The following OSBPL2 variants were observed in gnomAD, a reference collection of about 807,000 sequenced individuals.
OSBPL2 encodes oxysterol-binding protein-related protein 2.
OSBPL2 carries 18 observed loss-of-function variants against 58.4 expected under a neutral mutation model. The ratio of observed to expected loss-of-function variants is 0.31; its 90% confidence interval spans 0.21 to 0.46. The LOEUF is 0.46. OSBPL2 is among the 20% of genes least tolerant of loss of function. The pLI is 1.00. For synonymous variants in OSBPL2, 221 were observed against 234.1 expected, an observed-to-expected ratio of 0.94 and a Z score of 0.51; for missense variants, 461 against 616.5, an observed-to-expected ratio of 0.75 and a Z score of 2.67.
chr20:62,242,165 G>A (rs756828699), intron 1 of OSBPL2, among the ~76,000 whole-genome samples: 44 of 152,134 alleles, frequency 2.9e-4, no homozygotes, highest in Non-Finnish European at 5.9e-4. Flanking sequence ...ATGGTGTCCC[G>A]GCCTCTCAGG....
intron 1 of OSBPL2, among the ~76,000 whole-genome samples, chr20:62,249,087 C>T (rs573088309): frequency 2.6e-5 from 4 of 152,222 alleles, no homozygotes; most frequent in Admixed American, 6.5e-5. Flanking sequence ...CCTGGTGGGA[C>T]GGGGACAGCA....
In OSBPL2 at chr20:62,257,417, G is replaced by A. The variant is rs539547234; in HGVS notation, c.37+1196G>A. On this transcript the variant is annotated intron_variant, in intron 2 of 13. Transcript: ENST00000313733. ...TTACCGGCTTCAAAGGCTCAATTTCGAAGTCATTTTCCATGATTTCGTAGC... is the reference window on the plus strand; with the variant it reads ...TTACCGGCTTCAAAGGCTCAATTTCAAAGTCATTTTCCATGATTTCGTAGC... Among the ~76,000 whole-genome samples, 11 of 152,322 alleles carry A rather than the reference G, an allele frequency of 7.2e-5. No homozygotes were observed. In the East Asian group the frequency reaches 9.6e-4, roughly 13 times the overall value.
intron 1 of OSBPL2, among the ~76,000 whole-genome samples, chr20:62,246,136 T>TGCC (rs1601146367): frequency 1.3e-5 from 2 of 152,254 alleles, no homozygotes; most frequent in African/African-American, 4.8e-5. Flanking sequence ...CTCTCGCTGC[T>TGCC]GCCGCCGCCT....
Position 62,288,766 on chromosome 20 carries a change from CAAATT to C in OSBPL2, c.1126-438_1126-434del, listed in dbSNP as rs1349159900. Among the ~76,000 whole-genome samples the C allele has an allele frequency of 6.6e-6, 1 of 152,108 alleles. No homozygotes were observed. Among genetic ancestry groups the C allele is most frequent in the Non-Finnish European group, 1.5e-5 (1 of 68,020 alleles). ...CTAAGCATTCCAGTTGTTAATGTGA[CAAATT>C]AACTTGCTCCAGGGCTGAGGCTTTG... On this transcript the variant is annotated intron_variant, in intron 11 of 13. Coordinates refer to ENST00000313733, the MANE Select transcript of OSBPL2 (RefSeq NM_144498.4). The surrounding 1 kb of genome is among the most constrained non-coding windows in gnomAD (Gnocchi z 4.8).
At chr20:62,279,409 G>A (rs1982633711) in intron 7 of OSBPL2, 70 bp downstream of exon 7, 3 of 1,491,242 alleles carry the variant, frequency 2.0e-6, no homozygotes, top group Non-Finnish European at 2.8e-6. Flanking sequence ...TGATGTGGAG[G>A]GAAAGCTTCC....
Position 62,238,554 on chromosome 20 carries a change from G to T in OSBPL2, c.-172G>T, listed in dbSNP as rs1388330874. The stretch of plus-strand genomic sequence containing the variant: ...GTCGCGGGCCTACGGGGCGGGGGCG[G>T]GGCGGCAGTGAGCTCGGCCGGCAAC... On this transcript the variant is annotated 5_prime_UTR_variant, in exon 1 of 14. Transcript: ENST00000313733. 6.7e-6 allele frequency: 1 copy of T among 149,828 alleles called. No homozygotes were observed. Among genetic ancestry groups the T allele is most frequent in the Non-Finnish European group, 1.5e-5 (1 of 67,072 alleles). 9.3% of individuals were successfully genotyped at this position (149,828 alleles called of 1,614,324 possible).
intron 1 of OSBPL2, among the ~76,000 whole-genome samples, chr20:62,247,456 G>A (rs80315165): frequency 6.6e-6 from 1 of 152,164 alleles, no homozygotes; most frequent in Admixed American, 6.5e-5. Context: ...CAGCGGGACC[G>A]CGGGGACTGA....
chr20:62,246,527 G>A (rs1980127038), intron 1 of OSBPL2, among the ~76,000 whole-genome samples: 1 of 152,226 alleles, frequency 6.6e-6, no homozygotes, highest in Admixed American at 6.5e-5. Flanking sequence ...CTAGGCGTCC[G>A]GGTGATGCAT....
At chr20:62,252,696 G>GACC (rs1980638549) in intron 1 of OSBPL2, among the ~76,000 whole-genome samples, 1 of 152,214 alleles carries the variant, frequency 6.6e-6, no homozygotes, top group African/African-American at 2.4e-5. Context: ...AGGAAAGGTC[G>GACC]TTTAATTAGG....
intron 13 of OSBPL2, among the ~76,000 whole-genome samples, chr20:62,292,624 A>G (rs547679270): frequency 4.6e-5 from 7 of 152,368 alleles, no homozygotes; most frequent in Non-Finnish European, 7.3e-5. Context: ...ATTTATAAGT[A>G]AAATGTTTTA....
intron 2 of OSBPL2, among the ~76,000 whole-genome samples, chr20:62,257,782 T>G (rs1002357605): frequency 1.3e-5 from 2 of 151,532 alleles, no homozygotes; most frequent in Non-Finnish European, 2.9e-5. Flanking sequence ...TGGCGTGATC[T>G]CAGCTCACTG....
chr20:62,284,297 GC>G, intron 10 of OSBPL2, 128 bp downstream of exon 10: 1 of 1,040,248 alleles, frequency 9.6e-7, no homozygotes, highest in Non-Finnish European at 1.5e-6. Flanking sequence ...AGATGAATGT[GC>G]AGAATTTGTC....
Position 62,272,370 on chromosome 20 carries a change from C to G in OSBPL2, c.393+111C>G, listed in dbSNP as rs1019783311. 1.4e-5 allele frequency: 17 copies of G among 1,217,840 alleles called. No individual in the cohort carries two copies. The African/African-American group carries it at 1.9e-4, about 14-fold the overall frequency. 75.4% of individuals were successfully genotyped at this position (1,217,840 alleles called of 1,614,324 possible). On this transcript the variant is annotated intron_variant, in intron 5 of 13. Coordinates refer to ENST00000313733, the MANE Select transcript of OSBPL2 (RefSeq NM_144498.4). ...ATCTGTGAGGACTCGCACAGCTCCC[C>G]CCAGTGTTCAGTGCCATCCTGCCTG...
At chr20:62,255,507 T>G (rs1370691665) in intron 1 of OSBPL2, among the ~76,000 whole-genome samples, 2 of 152,170 alleles carry the variant, frequency 1.3e-5, no homozygotes, top group African/African-American at 4.8e-5. Flanking sequence ...AATTATTTAT[T>G]TGTTTATTTA....
rs1029432772 is a variant in OSBPL2, at chr20:62,294,527, T to G, written c.*640T>G. The G allele has an allele frequency of 6.5e-6, 1 of 153,000 alleles. No individual in the cohort carries two copies. The highest frequency in any genetic ancestry group is 6.5e-5 in the Admixed American group (1 of 15,346). 9.5% of individuals were successfully genotyped at this position (153,000 alleles called of 1,614,324 possible). ...TAGTATTTTGCTGAAGAGCAAGATA[T>G]GCATTAATCACCGGTTTTATACTGT... is the stretch of plus-strand genomic sequence containing the variant. On this transcript the variant is annotated 3_prime_UTR_variant, in exon 14 of 14. Coordinates refer to ENST00000313733, the MANE Select transcript of OSBPL2 (RefSeq NM_144498.4).
chr20:62,275,438 G>A (rs1183783615), intron 6 of OSBPL2, among the ~76,000 whole-genome samples: 1 of 149,216 alleles, frequency 6.7e-6, no homozygotes, highest in African/African-American at 2.5e-5. Flanking sequence ...TCACTCTGTC[G>A]CCCAGGCTGA....
chr20:62,266,201 G>T (rs955954908), intron 4 of OSBPL2, among the ~76,000 whole-genome samples: 2 of 152,170 alleles, frequency 1.3e-5, no homozygotes, highest in Admixed American at 6.5e-5. Context: ...CATTCCCTAG[G>T]TGAGGGTTGT....
chr20:62,251,850 T>C (rs1980565338), intron 1 of OSBPL2, among the ~76,000 whole-genome samples: 1 of 149,538 alleles, frequency 6.7e-6, no homozygotes. Flanking sequence ...TCAAGCGTCA[T>C]TTTAATTGGT....
chr20:62,255,073 C>T (rs2145926130), intron 1 of OSBPL2: 1 of 152,056 alleles, frequency 6.6e-6, no homozygotes, highest in African/African-American at 2.4e-5. Flanking sequence ...TGAAGCTCAC[C>T]TGCTCTCTCT....
Sources: gnomAD v4.1 joint callset for allele counts (sites outside exome capture counted in the v4.1 genomes callset) on GRCh38, gnomAD v4.1.1 for gene constraint, Gnocchi (gnomAD v3.1) non-coding constraint, MANE v1.5 for transcripts, NCBI Gene and HGNC (gene_info 2026-07-23, HGNC 2026-07-21) for gene names.